FHIT: variants seen among roughly 807,000 people sequenced by gnomAD.
The protein encoded by FHIT is bis(5'-adenosyl)-triphosphatase.
FHIT carries 19 observed loss-of-function variants against 17.9 expected under a neutral mutation model. The ratio of observed to expected loss-of-function variants is 1.06; its 90% CI spans 0.74 to 1.56. The LOEUF (loss-of-function observed/expected upper bound fraction) is 1.56. FHIT is among the 40% of genes most tolerant of loss of function. The pLI is 0.00. For synonymous variants in FHIT, 81 were observed against 69.7 expected, an observed-to-expected ratio of 1.16 and a Z score of -0.81; for missense variants, 248 against 189.2, an observed-to-expected ratio of 1.31 and a Z score of -1.82.
rs573320147 is a variant in FHIT at position 60,954,979 on chromosome 3, T to C, written c.-111+87068A>G. On this transcript the variant is annotated intron_variant, in intron 3 of 9. Coordinates refer to ENST00000492590, the MANE Select transcript of FHIT (RefSeq NM_002012.4). ...ACAGAGAAAGTTGTATCTTATTTACTGATCAAATTAATTCTATTTATTGTT... is the reference window on the plus strand; with the variant it reads ...ACAGAGAAAGTTGTATCTTATTTACCGATCAAATTAATTCTATTTATTGTT... 5.3e-5 allele frequency among the ~76,000 whole-genome samples: 8 copies of C among 152,320 alleles called. No individual in the cohort carries two copies. The East Asian group carries it at 1.5e-3, about 29-fold the overall frequency.
At chr3:60,883,502 T>C (rs572108113) in intron 3 of FHIT, among the ~76,000 whole-genome samples, 2 of 152,228 alleles carry the variant, frequency 1.3e-5, no homozygotes, top group African/African-American at 2.4e-5. Context: ...ATCATGTTAC[T>C]GGAGTAAAAA....
intron 8 of FHIT, among the ~76,000 whole-genome samples, chr3:59,785,524 T>C (rs1219473090): frequency 2.0e-5 from 3 of 152,088 alleles, no homozygotes; most frequent in Non-Finnish European, 4.4e-5. Context: ...TCGGCCAAGC[T>C]GGTAATTCCA....
rs369061421 is a variant in FHIT at position 59,956,380 on chromosome 3, AG to A, written c.280-33967del. Among the ~76,000 whole-genome samples the A allele has an allele frequency of 3.4e-3, 517 of 152,278 alleles. 6 individuals carry two copies. The highest frequency in any genetic ancestry group is 0.012 in the African/African-American group (488 of 41,558). On this transcript the variant is annotated intron_variant, in intron 7 of 9. Transcript: ENST00000492590. The stretch of plus-strand genomic sequence containing the variant: ...AAGACCTATTTGCCAAAAAAGAAAA[AG>A]AAAAAAGGCCGGGCATGGTGGCTCA...
intron 3 of FHIT, among the ~76,000 whole-genome samples, chr3:60,946,325 C>T (rs954977645): frequency 2.6e-5 from 4 of 152,144 alleles, no homozygotes; most frequent in Non-Finnish European, 5.9e-5. Context: ...GCACTATTGG[C>T]ATTTGGGGAA....
chr3:60,058,570 T>TCCC (rs1702178884), intron 5 of FHIT, among the ~76,000 whole-genome samples: 1 of 152,164 alleles, frequency 6.6e-6, no homozygotes, highest in Non-Finnish European at 1.5e-5. Flanking sequence ...TATGTGTAGT[T>TCCC]TGCCATCACA....
intron 3 of FHIT, among the ~76,000 whole-genome samples, chr3:60,918,060 C>G (rs2107300939): frequency 6.6e-6 from 1 of 152,298 alleles, no homozygotes; most frequent in East Asian, 1.9e-4. Context: ...TCCACCCATA[C>G]TGTTCTCGTG....
intron 5 of FHIT, among the ~76,000 whole-genome samples, chr3:60,061,374 T>G (rs9879807): frequency 0.082 from 12,462 of 152,246 alleles, 915 homozygotes; most frequent in African/African-American, 0.2. Flanking sequence ...CCCTACAGTT[T>G]CCTCTCTGGT....
At chr3:60,298,017 T>A (rs929877176) in intron 5 of FHIT, among the ~76,000 whole-genome samples, 2 of 152,064 alleles carry the variant, frequency 1.3e-5, no homozygotes, top group Non-Finnish European at 2.9e-5. Flanking sequence ...GCTTTACTTA[T>A]GCAGATATAC....
chr3:60,576,949 TACACACACAC>T (rs57891077), intron 4 of FHIT, among the ~76,000 whole-genome samples: 22 of 146,848 alleles, frequency 1.5e-4, no homozygotes, highest in African/African-American at 4.3e-4. Flanking sequence ...TCCATTTGCA[TACACACACAC>T]ACACACACAC....
chr3:60,889,423 C>A (rs1357594813), intron 3 of FHIT, among the ~76,000 whole-genome samples: 6 of 152,222 alleles, frequency 3.9e-5, no homozygotes, highest in Non-Finnish European at 8.8e-5. Flanking sequence ...GATGCCGTTT[C>A]TTTTGCGGCA....
chr3:60,876,856 G>A (rs982641141), intron 3 of FHIT, among the ~76,000 whole-genome samples: 8 of 152,296 alleles, frequency 5.3e-5, no homozygotes, highest in African/African-American at 1.7e-4. Flanking sequence ...AGGAGTAACA[G>A]AAACCCTGGT....
intron 7 of FHIT, among the ~76,000 whole-genome samples, chr3:59,928,282 G>T (rs1705773086): frequency 6.6e-6 from 1 of 152,218 alleles, no homozygotes; most frequent in Non-Finnish European, 1.5e-5. Flanking sequence ...ATAAATTATG[G>T]CTGCAAATGA....
chr3:59,829,812 A>C (rs1187104695), intron 8 of FHIT, among the ~76,000 whole-genome samples: 1 of 152,210 alleles, frequency 6.6e-6, no homozygotes, highest in African/African-American at 2.4e-5. Flanking sequence ...TACAATACAG[A>C]AAATAGATCT....
At chr3:60,397,588 C>T (rs988686075) in intron 5 of FHIT, among the ~76,000 whole-genome samples, 10 of 152,180 alleles carry the variant, frequency 6.6e-5, no homozygotes, top group Non-Finnish European at 1.3e-4. Flanking sequence ...CAGTTATGCT[C>T]CCACAACAAG....
intron 5 of FHIT, among the ~76,000 whole-genome samples, chr3:60,401,938 A>G (rs566236317): frequency 6.6e-6 from 1 of 152,250 alleles, no homozygotes; most frequent in South Asian, 2.1e-4. Context: ...GAAGCCTTTC[A>G]TTTCATGCGT....
intron 5 of FHIT, among the ~76,000 whole-genome samples, chr3:60,125,793 T>C (rs1705520132): frequency 6.6e-6 from 1 of 152,004 alleles, no homozygotes; most frequent in African/African-American, 2.4e-5. Context: ...CATTGTTCCT[T>C]CTGGTATAGC....
At position 60,967,328 on chromosome 3, in the gene FHIT, C is replaced by T. The variant is rs535475009; in HGVS notation, c.-111+74719G>A. ...TTCTTTCCCAAAATCATTGCTTGAT[C>T]CCTTAAACAAACAAAACAATGTGAA... is the stretch of plus-strand genomic sequence containing the variant. On this transcript the variant is annotated intron_variant, in intron 3 of 9. Coordinates refer to ENST00000492590, the MANE Select transcript of FHIT (RefSeq NM_002012.4). 2.6e-5 allele frequency among the ~76,000 whole-genome samples: 4 copies of T among 152,270 alleles called. No individual in the cohort carries two copies. In the South Asian group the frequency reaches 8.3e-4, roughly 32 times the overall value.
At position 61,196,714 on chromosome 3, in the gene FHIT, T is replaced by G. The variant is rs147815204; in HGVS notation, c.-164+3903A>C. On this transcript the variant is annotated intron_variant, in intron 2 of 9. Transcript: ENST00000492590. ...GACTTAGCAAAAATTCCATTAACAC[T>G]CCAGACTCAAAGGGGAAAAGGGAAG... 1.1e-3 allele frequency among the ~76,000 whole-genome samples: 162 copies of G among 152,024 alleles called. 1 individual carries two copies. Among genetic ancestry groups the G allele is most frequent in the African/African-American group, 3.8e-3 (159 of 41,466 alleles).
At chr3:60,986,823 T>C (rs1176183708) in intron 3 of FHIT, among the ~76,000 whole-genome samples, 1 of 152,216 alleles carries the variant, frequency 6.6e-6, no homozygotes, top group Non-Finnish European at 1.5e-5. Context: ...CGTTCTGAGT[T>C]CTCTGTGGGC....
Sources: allele counts gnomAD v4.1 joint callset (sites outside exome capture counted in the v4.1 genomes callset), GRCh38; gene constraint gnomAD v4.1.1; transcripts MANE v1.5; gene names NCBI Gene and HGNC (gene_info 2026-07-23, HGNC 2026-07-21).